TACR3: variants seen among roughly 807,000 people sequenced by gnomAD.
The protein encoded by TACR3 is neuromedin-K receptor.
Under a neutral mutation model 35.0 loss-of-function variants are expected in TACR3, and 34 were observed. The observed-to-expected ratio is 0.97, with a 90% CI of 0.74 to 1.30. TACR3 has a LOEUF of 1.30. Ranked by LOEUF, TACR3 falls within the 50% of genes most tolerant of loss-of-function variation. TACR3 has a pLI of 0.00. For missense variants in TACR3, 558 were observed against 591.7 expected, an observed-to-expected ratio of 0.94 and a Z score of 0.59; for synonymous variants, 233 against 221.1, an observed-to-expected ratio of 1.05 and a Z score of -0.48.
chr4:103,709,946 C>T (rs564078860), intron 1 of TACR3, among the ~76,000 whole-genome samples: 2 of 152,254 alleles, frequency 1.3e-5, no homozygotes, highest in South Asian at 2.1e-4. Flanking sequence ...ATCAATTCAA[C>T]AAGAAGAGCT....
At chr4:103,615,147 C>T (rs1021949737) in intron 3 of TACR3, among the ~76,000 whole-genome samples, 9 of 151,896 alleles carry the variant, frequency 5.9e-5, no homozygotes, top group African/African-American at 1.7e-4. Context: ...CCGCCCACCT[C>T]GGCCTCCCAA....
intron 1 of TACR3, among the ~76,000 whole-genome samples, chr4:103,681,923 A>G (rs887115866): frequency 6.6e-6 from 1 of 152,174 alleles, no homozygotes; most frequent in Non-Finnish European, 1.5e-5. Context: ...TAATAATGGA[A>G]TTAAACTGGA....
intron 3 of TACR3, among the ~76,000 whole-genome samples, chr4:103,629,043 T>C (rs905975510): frequency 1.3e-5 from 2 of 152,132 alleles, no homozygotes; most frequent in African/African-American, 4.8e-5. Flanking sequence ...AAAAACCACA[T>C]GATTATCTCA....
At chr4:103,710,003 A>C (rs1285269449) in intron 1 of TACR3, among the ~76,000 whole-genome samples, 2 of 152,208 alleles carry the variant, frequency 1.3e-5, no homozygotes, top group Admixed American at 6.5e-5. Context: ...ACCCAGATTC[A>C]TAAAGCAAGT....
chr4:103,604,068 G>T (rs538915536), intron 3 of TACR3, among the ~76,000 whole-genome samples: 1 of 152,170 alleles, frequency 6.6e-6, no homozygotes, highest in Non-Finnish European at 1.5e-5. Flanking sequence ...CCAAAAAGGA[G>T]CCCATATCTC....
At chr4:103,612,421 T>C (rs867513764) in intron 3 of TACR3, among the ~76,000 whole-genome samples, 8 of 152,208 alleles carry the variant, frequency 5.3e-5, no homozygotes, top group Admixed American at 3.9e-4. Flanking sequence ...CTTATTTCCT[T>C]CAGCTTTTCC....
intron 1 of TACR3, among the ~76,000 whole-genome samples, chr4:103,671,095 G>A (rs958183516): frequency 6.6e-6 from 1 of 151,852 alleles, no homozygotes; most frequent in Admixed American, 6.6e-5. Flanking sequence ...TCATTCTGTT[G>A]ATGTAATGTT....
chr4:103,651,704 C>G (rs1163309871), intron 3 of TACR3, among the ~76,000 whole-genome samples: 3 of 151,942 alleles, frequency 2.0e-5, no homozygotes, highest in Non-Finnish European at 4.4e-5. Context: ...CTGAGTCTCA[C>G]TTGAAGCTAG....
chr4:103,693,066 A>T (rs895719064), intron 1 of TACR3, among the ~76,000 whole-genome samples: 14 of 152,202 alleles, frequency 9.2e-5, no homozygotes, highest in African/African-American at 3.4e-4. Flanking sequence ...AAAGGACAGA[A>T]TTGCTAAATA....
At chr4:103,634,579 T>A (rs975105791) in intron 3 of TACR3, among the ~76,000 whole-genome samples, 1 of 152,126 alleles carries the variant, frequency 6.6e-6, no homozygotes, top group East Asian at 1.9e-4. Flanking sequence ...GTCATCTTCA[T>A]CAGCATAAAC....
At chr4:103,704,105 C>CAAAAAAAAAAAAAAA (rs59034473) in intron 1 of TACR3, among the ~76,000 whole-genome samples, 4 of 64,630 alleles carry the variant, frequency 6.2e-5, no homozygotes, top group Non-Finnish European at 1.1e-4. Flanking sequence ...CTCTATCTCA[C>CAAAAAAAAAAAAAAA]AAAAAAAAAA....
intron 3 of TACR3, among the ~76,000 whole-genome samples, chr4:103,592,410 C>A (rs112250776): frequency 2.2e-3 from 333 of 152,204 alleles, no homozygotes; most frequent in African/African-American, 7.4e-3. Flanking sequence ...ATGATAATAT[C>A]CTGGACAGCT....
intron 3 of TACR3, among the ~76,000 whole-genome samples, chr4:103,640,625 T>C (rs1725335107): frequency 6.6e-6 from 1 of 151,992 alleles, no homozygotes; most frequent in South Asian, 2.1e-4. Flanking sequence ...CATTGTATCT[T>C]TACTCTATTG....
chr4:103,715,837 G>T (rs1251428406), intron 1 of TACR3, among the ~76,000 whole-genome samples: 1 of 151,974 alleles, frequency 6.6e-6, no homozygotes, highest in Non-Finnish European at 1.5e-5. Context: ...TGTAATAACT[G>T]TTCTATTAAT....
intron 3 of TACR3, among the ~76,000 whole-genome samples, chr4:103,631,596 G>A (rs1014919990): frequency 2.0e-5 from 3 of 152,160 alleles, no homozygotes; most frequent in Non-Finnish European, 2.9e-5. Flanking sequence ...TTGTCTGGAA[G>A]ATTCAGATTA....
chr4:103,628,474 C>G (rs758588675), intron 3 of TACR3, among the ~76,000 whole-genome samples: 78 of 152,298 alleles, frequency 5.1e-4, no homozygotes, highest in Non-Finnish European at 9.0e-4. Context: ...GATATCACCA[C>G]TGATCCCACA....
At chr4:103,718,849 G>A (rs919089186) in intron 1 of TACR3, among the ~76,000 whole-genome samples, 7 of 152,126 alleles carry the variant, frequency 4.6e-5, no homozygotes, top group South Asian at 2.1e-4. Context: ...ACTTGGAAGG[G>A]CATTTTCACC....
At chr4:103,626,086 C>T (rs1208090331) in intron 3 of TACR3, among the ~76,000 whole-genome samples, 1 of 152,102 alleles carries the variant, frequency 6.6e-6, no homozygotes, top group African/African-American at 2.4e-5. Context: ...TTTAAGCCAC[C>T]CAGTCTGTGA....
chr4:103,587,898 C>A lies in TACR3; in HGVS notation c.*1784G>T, dbSNP rs1723805940. 1 of 151,892 alleles carries A rather than the reference C, an allele frequency of 6.6e-6. No homozygotes were observed. Among genetic ancestry groups the A allele is most frequent in the Non-Finnish European group, 1.5e-5 (1 of 67,944 alleles). The allele number at this position is 151,892 out of a possible 1,614,324, so 9.4% of individuals were successfully genotyped here. On this transcript the variant is annotated 3_prime_UTR_variant, in exon 5 of 5. Coordinates refer to ENST00000304883, the MANE Select transcript of TACR3 (RefSeq NM_001059.3). Reference sequence around the variant, plus strand: ...GAGCATATGGCAATGCTGTAATGACCACTTATCATTTCAGTATTTGATTTT... The same window carrying A: ...GAGCATATGGCAATGCTGTAATGACAACTTATCATTTCAGTATTTGATTTT...
Sources: allele counts gnomAD v4.1 joint callset (sites outside exome capture counted in the v4.1 genomes callset), GRCh38; gene constraint gnomAD v4.1.1; transcripts MANE v1.5; gene names NCBI Gene and HGNC (gene_info 2026-07-23, HGNC 2026-07-21).